The following RUNDC3B variants were observed in gnomAD, a reference collection of about 807,000 sequenced individuals.
RUNDC3B encodes the protein RUN domain-containing protein 3B.
Under a neutral mutation model 58.4 loss-of-function variants are expected in RUNDC3B, and 33 were observed. That is an observed-to-expected ratio of 0.56 (90% confidence interval 0.43 to 0.75). The LOEUF is 0.75. RUNDC3B is among the 30% of genes least tolerant of loss of function. The pLI is 0.00. For missense variants in RUNDC3B, 501 were observed against 535.7 expected (o/e 0.94, Z 0.64); for synonymous variants, 193 against 195.2 (o/e 0.99, Z 0.10).
chr7:87,656,395 G>A (rs1381885379), intron 2 of RUNDC3B, among the ~76,000 whole-genome samples: 1 of 152,078 alleles, frequency 6.6e-6, no homozygotes, highest in Non-Finnish European at 1.5e-5. Context: ...TTAGGAATTG[G>A]TTGGTTGTGG....
At chr7:87,770,820 AT>A (rs1182899627) in intron 7 of RUNDC3B, 71 bp downstream of exon 7, 6 of 1,012,356 alleles carry the variant, frequency 5.9e-6, no homozygotes, top group African/African-American at 4.9e-5. Context: ...CTGCCAAAAT[AT>A]TTTTTAACTG....
chr7:87,752,279 G>T (rs1299716567), intron 6 of RUNDC3B, among the ~76,000 whole-genome samples: 3 of 152,122 alleles, frequency 2.0e-5, no homozygotes, highest in African/African-American at 4.8e-5. Flanking sequence ...CTGTTTGCCA[G>T]TATTTTATTG....
intron 6 of RUNDC3B, among the ~76,000 whole-genome samples, chr7:87,760,898 T>C (rs2130853156): frequency 6.6e-6 from 1 of 152,030 alleles, no homozygotes; most frequent in African/African-American, 2.4e-5. Flanking sequence ...TAGGTGTAAA[T>C]TTTTCATAAC....
In RUNDC3B at chr7:87,823,775, T is replaced by C. The variant is rs557167602; in HGVS notation, c.1226-6110T>C. On this transcript the variant is annotated intron_variant, in intron 10 of 10. Coordinates refer to ENST00000394654, the MANE Select transcript of RUNDC3B (RefSeq NM_001134405.2). ...CATTCCTTTTTATGAATGAGTAGTA[T>C]TCCATTTCATATATATACACACACA... 5.4e-4 allele frequency among the ~76,000 whole-genome samples: 81 copies of C among 151,196 alleles called. 2 individuals are homozygous for C. The Middle Eastern group carries it at 0.02, about 38-fold the overall frequency.
chr7:87,752,358 C>T (rs909868379), intron 6 of RUNDC3B, among the ~76,000 whole-genome samples: 6 of 151,968 alleles, frequency 3.9e-5, no homozygotes, highest in African/African-American at 1.5e-4. Context: ...TGTCTCTGCC[C>T]AGCTTTGGTA....
chr7:87,725,552 T>C (rs1426977650), intron 4 of RUNDC3B, among the ~76,000 whole-genome samples: 1 of 152,160 alleles, frequency 6.6e-6, no homozygotes, highest in Non-Finnish European at 1.5e-5. Flanking sequence ...AATAAACATA[T>C]GTGTGCATGT....
At chr7:87,684,689 A>C (rs1827271593) in intron 2 of RUNDC3B, among the ~76,000 whole-genome samples, 1 of 139,908 alleles carries the variant, frequency 7.1e-6, no homozygotes, top group African/African-American at 2.6e-5. Context: ...CAGAGATTGC[A>C]GTGAGTCGAG....
intron 8 of RUNDC3B, among the ~76,000 whole-genome samples, chr7:87,783,048 A>G (rs1474760003): frequency 6.6e-6 from 1 of 152,086 alleles, no homozygotes; most frequent in East Asian, 1.9e-4. Context: ...AATGCCGTTA[A>G]TGGGGTATTG....
chr7:87,794,410 G>A (rs546904410), intron 8 of RUNDC3B, among the ~76,000 whole-genome samples: 26 of 152,136 alleles, frequency 1.7e-4, no homozygotes, highest in Non-Finnish European at 3.2e-4. Context: ...ACTCCAGCCT[G>A]ATGACAGAGC....
intron 1 of RUNDC3B, among the ~76,000 whole-genome samples, chr7:87,642,520 A>G (rs1260824183): frequency 6.6e-6 from 1 of 152,140 alleles, no homozygotes; most frequent in Non-Finnish European, 1.5e-5. Context: ...GAGTTCTTTC[A>G]TATGAGATTA....
At chr7:87,760,513 T>C (rs1171006641) in intron 6 of RUNDC3B, among the ~76,000 whole-genome samples, 2 of 152,066 alleles carry the variant, frequency 1.3e-5, no homozygotes, top group Non-Finnish European at 2.9e-5. Flanking sequence ...TGCAAGGGAC[T>C]CTAAATAGCC....
intron 6 of RUNDC3B, among the ~76,000 whole-genome samples, chr7:87,747,808 A>G (rs923387647): frequency 6.6e-6 from 1 of 152,124 alleles, no homozygotes; most frequent in Non-Finnish European, 1.5e-5. Context: ...CATGCAAACC[A>G]AAAGGCCAGT....
chr7:87,641,128 T>G (rs940486308), intron 1 of RUNDC3B, among the ~76,000 whole-genome samples: 8 of 152,238 alleles, frequency 5.3e-5, no homozygotes, highest in Non-Finnish European at 1.0e-4. Context: ...AAGTTATTTC[T>G]TTAATACTTT....
intron 2 of RUNDC3B, among the ~76,000 whole-genome samples, chr7:87,667,805 T>G (rs1485639252): frequency 6.6e-6 from 1 of 152,182 alleles, no homozygotes; most frequent in African/African-American, 2.4e-5. Context: ...TTGAATATGT[T>G]GAGCCAAACT....
intron 4 of RUNDC3B, among the ~76,000 whole-genome samples, chr7:87,718,581 C>A (rs1830694283): frequency 6.6e-6 from 1 of 151,994 alleles, no homozygotes; most frequent in African/African-American, 2.4e-5. Flanking sequence ...TTCTGCACAC[C>A]ATATTCATAC....
intron 2 of RUNDC3B, among the ~76,000 whole-genome samples, chr7:87,659,528 C>T (rs1824477363): frequency 6.6e-6 from 1 of 152,130 alleles, no homozygotes; most frequent in Admixed American, 6.6e-5. Context: ...ATTTCCTCTA[C>T]ATACATATAG....
At chr7:87,710,247 GAAGTA>G (rs1829948900) in intron 3 of RUNDC3B, among the ~76,000 whole-genome samples, 1 of 152,112 alleles carries the variant, frequency 6.6e-6, no homozygotes, top group Admixed American at 6.5e-5. Flanking sequence ...TTGCGGTATT[GAAGTA>G]GAGAGTTATA....
intron 6 of RUNDC3B, among the ~76,000 whole-genome samples, chr7:87,765,572 T>G (rs965475991): frequency 3.9e-5 from 6 of 152,086 alleles, no homozygotes; most frequent in African/African-American, 1.2e-4. Flanking sequence ...CAGGAGCAAG[T>G]TGTTTAGTTT....
chr7:87,770,717 A>G lies in RUNDC3B; in HGVS notation c.766A>G (p.Lys256Glu). ...NSWFNKCKRV[K>E]QKYQLTLEQK... Reference sequence around the variant, plus strand: ...TTGGTTCAACAAGTGTAAGAGAGTTAAACAAAAGTATCAGCTTACCCTGGA... The same window carrying G: ...TTGGTTCAACAAGTGTAAGAGAGTTGAACAAAAGTATCAGCTTACCCTGGA... The change falls in exon 7 of 11, where the codon AAA (lysine) becomes GAA (glutamate). Residue 256 changes from lysine to glutamate, a missense_variant. Coordinates refer to ENST00000394654, the MANE Select transcript of RUNDC3B (RefSeq NM_001134405.2). 1 of 1,613,094 alleles carries G rather than the reference A, an allele frequency of 6.2e-7. No homozygotes were observed. The highest frequency in any genetic ancestry group is 8.5e-7 in the Non-Finnish European group (1 of 1,179,322).
Sources: allele counts gnomAD v4.1 joint callset (sites outside exome capture counted in the v4.1 genomes callset), GRCh38; gene constraint gnomAD v4.1.1; transcripts MANE v1.5; gene names NCBI Gene and HGNC (gene_info 2026-07-23, HGNC 2026-07-21).